The following ABI3 variants were observed in gnomAD, a reference collection of about 807,000 sequenced individuals.
The protein encoded by ABI3 is ABI gene family member 3.
ABI3 carries 24 observed loss-of-function variants against 37.0 expected under a neutral mutation model. That is an observed-to-expected ratio of 0.65 (90% confidence interval 0.47 to 0.91). The LOEUF (loss-of-function observed/expected upper bound fraction) is 0.91. Ranked by LOEUF, ABI3 falls within the 40% of genes least tolerant of loss-of-function variation. The probability of loss-of-function intolerance (pLI) is 0.00; values close to 1 mark genes in which losing one functional copy is unlikely to be tolerated. For synonymous variants in ABI3, 220 were observed against 211.8 expected (o/e 1.04, Z -0.34); for missense variants, 481 against 485.1 (o/e 0.99, Z 0.08).
At chr17:49,211,538 A>T (rs978646042) in intron 1 of ABI3, among the ~76,000 whole-genome samples, 1 of 152,238 alleles carries the variant, frequency 6.6e-6, no homozygotes, top group Non-Finnish European at 1.5e-5. Flanking sequence ...TTATTTCATT[A>T]ATCTGTACAA....
At chr17:49,220,136 GCGTGTCCGC>G (rs1164521809) in intron 5 of ABI3, 24 bp from the exon 6 acceptor site, 1 of 1,610,940 alleles carries the variant, frequency 6.2e-7, no homozygotes, top group Non-Finnish European at 8.5e-7. Context: ...ATTAGGGAAG[GCGTGTCCGC>G]CAACCGGGCT....
rs775453030 is a variant in ABI3 at position 49,220,276 on chromosome 17, A to G, written c.752A>G (p.Glu251Gly). 1 of 1,605,446 alleles carries G rather than the reference A, an allele frequency of 6.2e-7. No individual in the cohort carries two copies. Among genetic ancestry groups the G allele is most frequent in the Non-Finnish European group, 8.5e-7 (1 of 1,176,570 alleles). ...LDPPPPPAAVEVFQRPPTLEE... is the reference protein window; with the variant it reads ...LDPPPPPAAVGVFQRPPTLEE... ...CCACCTCCTCCACCAGCAGCCGTCG[A>G]GGTGTTCCAGCGGCCTCCCACGCTG... The change falls in exon 6 of 8, where the codon GAG becomes GGG. Residue 251 changes from glutamate to glycine, a missense_variant. Glu to Gly is a moderately conservative substitution (Grantham distance 98). Coordinates refer to ENST00000225941, the MANE Select transcript of ABI3 (RefSeq NM_016428.3).
chr17:49,220,727 C>T (rs1485011710), intron 6 of ABI3, among the ~76,000 whole-genome samples: 1 of 151,958 alleles, frequency 6.6e-6, no homozygotes, highest in African/African-American at 2.4e-5. Flanking sequence ...GCCTGTAATA[C>T]CAGCTACTCG....
chr17:49,218,568 G>T (rs1014418207), intron 3 of ABI3, among the ~76,000 whole-genome samples: 2 of 151,786 alleles, frequency 1.3e-5, no homozygotes, highest in African/African-American at 4.8e-5. Context: ...TCAACCACCA[G>T]GCCTCCTTCC....
At position 49,222,933 on chromosome 17, in the gene ABI3, T is replaced by C; in HGVS notation, c.*218T>C. On this transcript the variant is annotated 3_prime_UTR_variant, in exon 8 of 8. Coordinates refer to ENST00000225941, the MANE Select transcript of ABI3 (RefSeq NM_016428.3). ...TGGGGAAGAGCTGGAAACCAAGAAG[T>C]TTGTCAACAGAGGACCCCTACTCCA... The C allele has an allele frequency of 1.6e-6, 1 of 608,292 alleles. No homozygotes were observed. Among genetic ancestry groups the C allele is most frequent in the South Asian group, 2.2e-5 (1 of 45,628 alleles). The allele number at this position is 608,292 out of a possible 1,614,324, so 37.7% of individuals were successfully genotyped here.
At position 49,222,176 on chromosome 17, in the gene ABI3, A is replaced by C; in HGVS notation, c.888A>C (p.Gly296=). The change falls in exon 7 of 8, where the codon GGA becomes GGC. Residue 296 remains glycine, a synonymous_variant. Coordinates refer to ENST00000225941, the MANE Select transcript of ABI3 (RefSeq NM_016428.3). ...TGGGGCTGCCTCCACCCCCACCAGGATTTGGGCCTGATGAGCCCAGCTGGG... is the reference window on the plus strand; with the variant it reads ...TGGGGCTGCCTCCACCCCCACCAGGCTTTGGGCCTGATGAGCCCAGCTGGG... ...DELGLPPPPP[G]FGPDEPSWVP... The C allele has an allele frequency of 6.2e-7, 1 of 1,613,702 alleles. No individual in the cohort carries two copies. The highest frequency in any genetic ancestry group is 8.5e-7 in the Non-Finnish European group (1 of 1,179,856).
chr17:49,214,315 C>T (rs1280474181), intron 1 of ABI3, among the ~76,000 whole-genome samples: 6 of 152,188 alleles, frequency 3.9e-5, no homozygotes, highest in Non-Finnish European at 7.3e-5. Flanking sequence ...TAGAGTATGG[C>T]AACTCCATGA....
chr17:49,212,211 C>T lies in ABI3; in HGVS notation c.117+1370C>T, dbSNP rs2043175873. Among the ~76,000 whole-genome samples, 3 of 152,194 alleles carry T rather than the reference C, an allele frequency of 2.0e-5. No individual in the cohort carries two copies. The South Asian group carries it at 6.2e-4, about 32-fold the overall frequency. ...TCAAGTGATCTGCCCACCTTGGCCT[C>T]CCAAAGTGCTGGGATTACAGGCATA... On this transcript the variant is annotated intron_variant, in intron 1 of 7. Coordinates refer to ENST00000225941, the MANE Select transcript of ABI3 (RefSeq NM_016428.3).
chr17:49,222,549 C>T lies in ABI3; in HGVS notation c.938-3C>T, dbSNP rs2043303397. 6.2e-7 allele frequency: 1 copy of T among 1,613,482 alleles called. No individual in the cohort carries two copies. Among genetic ancestry groups the T allele is most frequent in the African/African-American group, 1.3e-5 (1 of 74,898 alleles). On this transcript the variant is annotated splice_polypyrimidine_tract_variant and splice_region_variant and intron_variant, in intron 7 of 7. Transcript: ENST00000225941. Reference sequence around the variant, plus strand: ...CACGGCACCCTCTTCTCTTGCCCTGCAGTGGTGACACTGTACCCATACACC... The same window carrying T: ...CACGGCACCCTCTTCTCTTGCCCTGTAGTGGTGACACTGTACCCATACACC...
chr17:49,211,757 G>C (rs2043169965), intron 1 of ABI3, among the ~76,000 whole-genome samples: 1 of 151,846 alleles, frequency 6.6e-6, no homozygotes. Flanking sequence ...AAATTCTCCT[G>C]CCTCAGCCTC....
Position 49,222,824 on chromosome 17 carries a change from C to A in ABI3, c.*109C>A. The stretch of plus-strand genomic sequence containing the variant: ...GGACTGGGTCTGCCCACCTCTTGGG[C>A]TGTGAGCTGTGTTCTGTCCTTCCTC... On this transcript the variant is annotated 3_prime_UTR_variant, in exon 8 of 8. Coordinates refer to ENST00000225941, the MANE Select transcript of ABI3 (RefSeq NM_016428.3). The A allele has an allele frequency of 8.0e-7, 1 of 1,257,116 alleles. No homozygotes were observed. 77.9% of individuals were successfully genotyped at this position (1,257,116 alleles called of 1,614,324 possible).
intron 1 of ABI3, among the ~76,000 whole-genome samples, chr17:49,211,417 G>A (rs1454554413): frequency 2.0e-5 from 3 of 152,188 alleles, no homozygotes; most frequent in Non-Finnish European, 4.4e-5. Context: ...TAGGGAGGTG[G>A]CATTGTAGAA....
Position 49,217,915 on chromosome 17 carries a change from G to C in ABI3, c.462G>C (p.Lys154Asn). ...TGGACGACATTGGCCATGGGATCAA[G>C]GTAGAGAGAGGGGCCCTCCTCTTTC... ...GCLDDIGHGI[K>N]DLSTQLSRTG... Residue 154 changes from lysine (K) to asparagine (N), a missense_variant and splice_region_variant, in exon 3 of 8, where the codon AAG becomes AAC. Coordinates refer to ENST00000225941, the MANE Select transcript of ABI3 (RefSeq NM_016428.3). 3 of 1,529,968 alleles carry C rather than the reference G, an allele frequency of 2.0e-6. No homozygotes were observed. Among genetic ancestry groups the C allele is most frequent in the Non-Finnish European group, 2.6e-6 (3 of 1,143,492 alleles). 94.8% of individuals were successfully genotyped at this position (1,529,968 alleles called of 1,614,324 possible).
chr17:49,219,715 GC>G lies in ABI3; in HGVS notation c.548+95del. 2.1e-6 allele frequency: 3 copies of G among 1,420,666 alleles called. No homozygotes were observed. The highest frequency in any genetic ancestry group is 2.9e-6 in the Non-Finnish European group (3 of 1,038,324). 88.0% of individuals were successfully genotyped at this position (1,420,666 alleles called of 1,614,324 possible). Reference sequence around the variant, plus strand: ...CCCAGCCTCGCCACCCACCCCTGGCGCCCCCGGGTGCTCAGGCCGTCATGCT... The same window carrying G: ...CCCAGCCTCGCCACCCACCCCTGGCGCCCCGGGTGCTCAGGCCGTCATGCT... On this transcript the variant is annotated intron_variant, in intron 4 of 7. Coordinates refer to ENST00000225941, the MANE Select transcript of ABI3 (RefSeq NM_016428.3). The surrounding 1 kb of genome is among the most constrained non-coding windows in gnomAD (Gnocchi z 4.3).
At chr17:49,221,818 AAGCCATTCTC>A (rs1450434021) in intron 6 of ABI3, among the ~76,000 whole-genome samples, 1 of 152,104 alleles carries the variant, frequency 6.6e-6, no homozygotes, top group Non-Finnish European at 1.5e-5. Context: ...CTCCTGGGTT[AAGCCATTCTC>A]CTGCCTCAGT....
In ABI3 at chr17:49,210,824, G is replaced by C; in HGVS notation, c.100G>C (p.Glu34Gln). 6.4e-7 allele frequency: 1 copy of C among 1,556,094 alleles called. No homozygotes were observed. Among genetic ancestry groups the C allele is most frequent in the Non-Finnish European group, 8.7e-7 (1 of 1,148,952 alleles). Residue 34 changes from glutamate to glutamine, a missense_variant, in exon 1 of 8, where the codon GAG becomes CAG. Glu to Gln is a conservative substitution (Grantham distance 29, BLOSUM62 2). Transcript: ENST00000225941. The surrounding 1 kb of genome is among the most constrained non-coding windows in gnomAD (Gnocchi z 4.2). ...SALLRVADYC[E>Q]DNYVQATDKR... ...CCTGCTGCGGGTCGCTGACTACTGC[G>C]AGGACAACTATGTGCAGGTAGGTAG...
At chr17:49,214,698 A>G (rs73338398) in intron 1 of ABI3, among the ~76,000 whole-genome samples, 13,628 of 152,222 alleles carry the variant, frequency 0.09, 902 homozygotes, top group East Asian at 0.2. Flanking sequence ...CAACAAGAGC[A>G]AAACTCTGTC....
chr17:49,221,314 C>CA (rs2043284695), intron 6 of ABI3, among the ~76,000 whole-genome samples: 1 of 147,408 alleles, frequency 6.8e-6, no homozygotes, highest in African/African-American at 2.5e-5. Flanking sequence ...ACTAAAAATA[C>CA]AAAAAAATTA....
At chr17:49,218,300 TGAGCAGTCACCCCA>T (rs1457255527) in intron 3 of ABI3, among the ~76,000 whole-genome samples, 1 of 152,194 alleles carries the variant, frequency 6.6e-6, no homozygotes, top group African/African-American at 2.4e-5. Flanking sequence ...GTCACTGCAC[TGAGCAGTCACCCCA>T]GAGCTGCTGT....
Sources: allele counts gnomAD v4.1 joint callset (sites outside exome capture counted in the v4.1 genomes callset), GRCh38; gene constraint gnomAD v4.1.1; non-coding constraint Gnocchi (gnomAD v3.1); transcripts MANE v1.5; gene names NCBI Gene and HGNC (gene_info 2026-07-23, HGNC 2026-07-21).